The following OGA variants were observed in gnomAD, a reference collection of about 807,000 sequenced individuals.
The protein encoded by OGA is protein O-GlcNAcase.
A neutral mutation model predicts 102.0 loss-of-function variants in OGA; 21 were observed. The observed-to-expected ratio is 0.21, with a 90% CI of 0.15 to 0.30. The LOEUF (loss-of-function observed/expected upper bound fraction) is 0.30. OGA is among the 10% of genes least tolerant of loss of function. The pLI is 1.00. For synonymous variants in OGA, 408 were observed against 378.2 expected, an observed-to-expected ratio of 1.08 and a Z score of -0.91; for missense variants, 765 against 1,107.8, an observed-to-expected ratio of 0.69 and a Z score of 4.39.
At chr10:101,804,272 CTTT>C (rs965762850) in intron 6 of OGA, among the ~76,000 whole-genome samples, 6 of 131,916 alleles carry the variant, frequency 4.5e-5, no homozygotes, top group Admixed American at 1.5e-4. Flanking sequence ...CTTACGTGTA[CTTT>C]TTTTTTTTTT....
chr10:101,803,727 C>G lies in OGA; in HGVS notation c.1036+8G>C, dbSNP rs765445783. The G allele has an allele frequency of 6.2e-7, 1 of 1,611,678 alleles. No homozygotes were observed. Among genetic ancestry groups the G allele is most frequent in the Admixed American group, 1.7e-5 (1 of 59,940 alleles). ...CCCAAGGTGAAAGATCAAGTACAGG[C>G]TACTTACTCATCACTACATCTTTTC... On this transcript the variant is annotated splice_region_variant and intron_variant, in intron 7 of 15. Transcript: ENST00000361464.
chr10:101,788,280 A>C (rs2065215452), intron 14 of OGA, among the ~76,000 whole-genome samples: 2 of 151,382 alleles, frequency 1.3e-5, no homozygotes, highest in Admixed American at 1.3e-4. Context: ...TCTACTAAAA[A>C]CATAAAAAAT....
rs1194121495 is a variant in OGA, at chr10:101,801,283, T to C, written c.1037-883A>G. Among the ~76,000 whole-genome samples the C allele has an allele frequency of 3.3e-5, 5 of 151,376 alleles. No homozygotes were observed. The South Asian group carries it at 6.3e-4, about 19-fold the overall frequency. The stretch of plus-strand genomic sequence containing the variant: ...GGCAGGCACCTGTAATCCCAGCTAC[T>C]CGGGAGGCTGAGGCAGGAGAACTGC... On this transcript the variant is annotated intron_variant, in intron 7 of 15. Coordinates refer to ENST00000361464, the MANE Select transcript of OGA (RefSeq NM_012215.5).
At chr10:101,786,673 T>A in intron 15 of OGA, 86 bp from the exon 16 acceptor site, 1 of 1,142,302 alleles carries the variant, frequency 8.8e-7, no homozygotes, top group Non-Finnish European at 1.2e-6. Context: ...TCGAGATGGT[T>A]AATATAAACA....
chr10:101,797,866 A>G lies in OGA; in HGVS notation c.1984+114T>C, dbSNP rs981200572. ...ATTTTTGAAAGAAACCTAGGCAACG[A>G]ATTGAAGAGACTTGGAAATGTGCCA... On this transcript the variant is annotated intron_variant, in intron 10 of 15. Transcript: ENST00000361464. 2.8e-6 allele frequency: 3 copies of G among 1,054,042 alleles called. No individual in the cohort carries two copies. In the African/African-American group the frequency reaches 4.8e-5, roughly 17 times the overall value. 65.3% of individuals were successfully genotyped at this position (1,054,042 alleles called of 1,614,324 possible). A position where few individuals can be genotyped will look rare whatever the true frequency, so the allele number is the denominator to read the frequency against.
rs139721047 is a variant in OGA, at chr10:101,786,065, T to G, written c.*386A>C. 238 of 156,364 alleles carry G rather than the reference T, an allele frequency of 1.5e-3. 2 individuals are homozygous for G. Among genetic ancestry groups the G allele is most frequent in the African/African-American group, 5.4e-3 (226 of 41,748 alleles). The allele number at this position is 156,364 out of a possible 1,614,324, so 9.7% of individuals were successfully genotyped here. On this transcript the variant is annotated 3_prime_UTR_variant, in exon 16 of 16. Coordinates refer to ENST00000361464, the MANE Select transcript of OGA (RefSeq NM_012215.5). Reference sequence around the variant, plus strand: ...CCCCTAAGACTGAGAGGCATTTCACTCAATAAACCAAGGAAGATGACAGAT... The same window carrying G: ...CCCCTAAGACTGAGAGGCATTTCACGCAATAAACCAAGGAAGATGACAGAT...
At chr10:101,788,118 G>T (rs1297222646) in intron 14 of OGA, among the ~76,000 whole-genome samples, 2 of 142,964 alleles carry the variant, frequency 1.4e-5, no homozygotes, top group Non-Finnish European at 3.0e-5. Flanking sequence ...GCAACAGAGC[G>T]AGACTCTGTC....
At chr10:101,800,155 G>C (rs1270282487) in intron 8 of OGA, 87 bp downstream of exon 8, 4 of 1,439,710 alleles carry the variant, frequency 2.8e-6, no homozygotes, top group Non-Finnish European at 3.8e-6. Flanking sequence ...TTACAGGTGT[G>C]AGCCACCACA....
intron 1 of OGA, among the ~76,000 whole-genome samples, chr10:101,815,067 T>C (rs1165299273): frequency 6.6e-6 from 1 of 152,136 alleles, no homozygotes; most frequent in Non-Finnish European, 1.5e-5. Context: ...GAACACAAAA[T>C]GTTCTACATA....
At position 101,817,962 on chromosome 10, in the gene OGA, G is replaced by C. The variant is rs773572391; in HGVS notation, c.61C>G (p.Pro21Ala). 6.2e-7 allele frequency: 1 copy of C among 1,604,584 alleles called. No homozygotes were observed. Among genetic ancestry groups the C allele is most frequent in the Admixed American group, 1.7e-5 (1 of 59,598 alleles). ...AGCGATGCCCCCGCAGAGGCGGCAGGGTTGGAGCTGAGCTCGCTCTCCCGC... is the reference window on the plus strand; with the variant it reads ...AGCGATGCCCCCGCAGAGGCGGCAGCGTTGGAGCTGAGCTCGCTCTCCCGC... ...EERESELSSN[P>A]AASAGASLEP... Residue 21 changes from proline to alanine, a missense_variant, in exon 1 of 16, where the codon CCT becomes GCT. Pro to Ala is a conservative substitution (Grantham distance 27). This residue lies in a region of OGA where 117 missense variants were observed against 85.7 expected (regional missense o/e 1.36). Transcript: ENST00000361464.
In OGA at chr10:101,796,664, G is replaced by C. The variant is rs371542225; in HGVS notation, c.1984+1316C>G. Among the ~76,000 whole-genome samples the C allele has an allele frequency of 3.8e-3, 579 of 152,090 alleles. 9 individuals are homozygous for C. In the South Asian group the frequency reaches 0.072, roughly 19 times the overall value. ...CAGCTCACTGCAACCTCTGCCTCCT[G>C]AGTTCAAGCAATTCTCCTGCCTCAG... On this transcript the variant is annotated intron_variant, in intron 10 of 15. Coordinates refer to ENST00000361464, the MANE Select transcript of OGA (RefSeq NM_012215.5).
At chr10:101,807,529 A>T (rs1346220824) in intron 5 of OGA, among the ~76,000 whole-genome samples, 2 of 152,186 alleles carry the variant, frequency 1.3e-5, no homozygotes, top group African/African-American at 4.8e-5. Context: ...AATACATAAA[A>T]ATCTTTTGCC....
chr10:101,804,358 C>T (rs752055952), intron 6 of OGA, among the ~76,000 whole-genome samples: 5 of 148,454 alleles, frequency 3.4e-5, no homozygotes, highest in Admixed American at 6.7e-5. Flanking sequence ...CTGTAAGCTC[C>T]GCCTCCTGGA....
chr10:101,791,250 TG>T, intron 13 of OGA, 103 bp downstream of exon 13: 1 of 1,231,186 alleles, frequency 8.1e-7, no homozygotes, highest in Non-Finnish European at 1.1e-6. Flanking sequence ...AAAGCCAAAG[TG>T]GGATTTAAAA....
chr10:101,808,373 T>C (rs1036876165), intron 4 of OGA, among the ~76,000 whole-genome samples: 1 of 152,190 alleles, frequency 6.6e-6, no homozygotes, highest in African/African-American at 2.4e-5. Context: ...CTAGTCCTCA[T>C]GGGCTGCTGC....
Position 101,786,549 on chromosome 10 carries a change from T to C in OGA, c.2653A>G (p.Lys885Glu). The change falls in exon 16 of 16, where the codon AAA (lysine) becomes GAA (glutamate). Residue 885 changes from lysine to glutamate, a missense_variant. Physicochemically the swap from Lys to Glu is moderately conservative, Grantham distance 56. Coordinates refer to ENST00000361464, the MANE Select transcript of OGA (RefSeq NM_012215.5). ...GAFCEVRPDDKRILEFYSKLG... is the reference protein window; with the variant it reads ...GAFCEVRPDDERILEFYSKLG... ...TTGCTGTAAAATTCCAGAATTCTTTTATCATCTGGTCTCACTTCACAGAAA... is the reference window on the plus strand; with the variant it reads ...TTGCTGTAAAATTCCAGAATTCTTTCATCATCTGGTCTCACTTCACAGAAA... 1.9e-6 allele frequency: 3 copies of C among 1,611,662 alleles called. No homozygotes were observed. Among genetic ancestry groups the C allele is most frequent in the Non-Finnish European group, 2.5e-6 (3 of 1,179,018 alleles).
chr10:101,796,063 A>C (rs2065312364), intron 10 of OGA: 1 of 269,264 alleles, frequency 3.7e-6, no homozygotes, highest in South Asian at 1.4e-4. Flanking sequence ...TGTTTTCTGT[A>C]ATACATTTCA....
At chr10:101,811,646 T>C (rs1226014154) in intron 3 of OGA, among the ~76,000 whole-genome samples, 1 of 151,886 alleles carries the variant, frequency 6.6e-6, no homozygotes, top group Non-Finnish European at 1.5e-5. Context: ...AAAATTGCAG[T>C]GAGTCACTGC....
At chr10:101,800,771 CTTTTTTT>C (rs771355527) in intron 7 of OGA, among the ~76,000 whole-genome samples, 1 of 117,646 alleles carries the variant, frequency 8.5e-6, no homozygotes, top group Non-Finnish European at 1.8e-5. Flanking sequence ...CTTGTAACTT[CTTTTTTT>C]TTTTTTTTTT....
Sources: allele counts gnomAD v4.1 joint callset (sites outside exome capture counted in the v4.1 genomes callset), GRCh38; gene constraint gnomAD v4.1.1; regional missense constraint gnomAD v4.1.1; transcripts MANE v1.5; gene names NCBI Gene and HGNC (gene_info 2026-07-23, HGNC 2026-07-21).